The following NAALADL2 variants were observed in gnomAD, a reference collection of about 807,000 sequenced individuals.
NAALADL2 encodes N-acetylated alpha-linked acidic dipeptidase like 2, also known as inactive N-acetylated-alpha-linked acidic dipeptidase-like protein 2.
In NAALADL2, 76 loss-of-function variants were observed where a neutral mutation model predicts 87.2. The observed-to-expected ratio is 0.87, with a 90% confidence interval of 0.72 to 1.05. The LOEUF is 1.05. Ranked by LOEUF, NAALADL2 falls within the 50% of genes least tolerant of loss-of-function variation. The pLI, the probability that NAALADL2 is intolerant of heterozygous loss-of-function variation, is 0.00. For synonymous variants in NAALADL2, 354 were observed against 331.0 expected (o/e 1.07, Z -0.75); for missense variants, 1,089 against 945.8 (o/e 1.15, Z -1.99).
At position 175,379,778 on chromosome 3, in the gene NAALADL2, A is replaced by G. The variant is rs201481302; in HGVS notation, c.1090+55453A>G. On this transcript the variant is annotated intron_variant, in intron 5 of 13. Transcript: ENST00000454872. ...TTTGTCTGATTGAATATGGCTTATT[A>G]TCAAGGCTGTGATCCAGATAGCTTT... 3.3e-5 allele frequency among the ~76,000 whole-genome samples: 5 copies of G among 152,230 alleles called. No homozygotes were observed. In the East Asian group the frequency reaches 9.7e-4, roughly 29 times the overall value.
At chr3:175,213,786 C>A (rs539757908) in intron 2 of NAALADL2, among the ~76,000 whole-genome samples, 3 of 152,090 alleles carry the variant, frequency 2.0e-5, no homozygotes, top group Non-Finnish European at 4.4e-5. Context: ...TAATAACTTG[C>A]CCACAATCAT....
chr3:174,770,650 C>G (rs544719267), intron 3 of NAALADL2, among the ~76,000 whole-genome samples: 14 of 152,114 alleles, frequency 9.2e-5, no homozygotes, highest in African/African-American at 3.4e-4. Context: ...ACCATCCTGG[C>G]TAACACGGTG....
At chr3:175,112,223 C>A (rs915333083) in intron 2 of NAALADL2, among the ~76,000 whole-genome samples, 4 of 151,304 alleles carry the variant, frequency 2.6e-5, no homozygotes, top group African/African-American at 9.7e-5. Flanking sequence ...TTGCCCAGCC[C>A]ATGTCTCTTC....
rs569573278 is a variant in NAALADL2, at chr3:174,907,594, T to C, written c.43+48144T>C. Among the ~76,000 whole-genome samples, 78 of 152,236 alleles carry C rather than the reference T, an allele frequency of 5.1e-4. 1 individual carries two copies. Among genetic ancestry groups the C allele is most frequent in the African/African-American group, 1.8e-3 (74 of 41,518 alleles). On this transcript the variant is annotated intron_variant, in intron 1 of 13. Coordinates refer to ENST00000454872, the MANE Select transcript of NAALADL2 (RefSeq NM_207015.3). Reference sequence around the variant, plus strand: ...AAAACCACGTCCCTAAAAGGTAAACTTATCTGTGACTATTTCTTACTACTA... The same window carrying C: ...AAAACCACGTCCCTAAAAGGTAAACCTATCTGTGACTATTTCTTACTACTA...
chr3:174,833,949 C>A (rs1381959038), intron 3 of NAALADL2, among the ~76,000 whole-genome samples: 1 of 150,256 alleles, frequency 6.7e-6, no homozygotes, highest in Non-Finnish European at 1.5e-5. Context: ...AACATCATAC[C>A]TAAGGGTAAA....
At chr3:175,147,603 T>C (rs1285506769) in intron 2 of NAALADL2, among the ~76,000 whole-genome samples, 1 of 151,884 alleles carries the variant, frequency 6.6e-6, no homozygotes, top group Non-Finnish European at 1.5e-5. Flanking sequence ...GGGGGGTATA[T>C]ACTCAATAAT....
intron 2 of NAALADL2, among the ~76,000 whole-genome samples, chr3:174,652,652 C>T (rs1411483854): frequency 6.6e-6 from 1 of 152,082 alleles, no homozygotes; most frequent in African/African-American, 2.4e-5. Context: ...CCTCCCACAA[C>T]ACATGGGGAT....
chr3:175,413,164 T>G (rs1408800162), intron 5 of NAALADL2, among the ~76,000 whole-genome samples: 1 of 143,262 alleles, frequency 7.0e-6, no homozygotes, highest in Non-Finnish European at 1.5e-5. Flanking sequence ...TTTGGGAGGC[T>G]GAGGTGGGCA....
At chr3:175,493,671 A>G (rs57139665) in intron 9 of NAALADL2, among the ~76,000 whole-genome samples, 10,655 of 152,180 alleles carry the variant, frequency 0.07, 438 homozygotes, top group South Asian at 0.15. Flanking sequence ...CTTACCAAAC[A>G]TTATTATCTA....
At chr3:175,238,805 A>G (rs912398831) in intron 3 of NAALADL2, among the ~76,000 whole-genome samples, 15 of 152,292 alleles carry the variant, frequency 9.8e-5, no homozygotes, top group African/African-American at 3.4e-4. Context: ...CTAAAGATTC[A>G]GGCATGCCTC....
chr3:174,743,818 T>C (rs1235278769), intron 3 of NAALADL2, among the ~76,000 whole-genome samples: 1 of 151,840 alleles, frequency 6.6e-6, no homozygotes, highest in Non-Finnish European at 1.5e-5. Flanking sequence ...TTTTTTTTCA[T>C]TTATATAAAT....
chr3:175,214,214 A>G (rs1390169992), intron 2 of NAALADL2, among the ~76,000 whole-genome samples: 1 of 152,136 alleles, frequency 6.6e-6, no homozygotes, highest in African/African-American at 2.4e-5. Context: ...TAATAAATCA[A>G]TGGTATTCAA....
intron 2 of NAALADL2, among the ~76,000 whole-genome samples, chr3:175,200,753 A>AAG (rs151073462): frequency 0.012 from 1,883 of 152,260 alleles, 43 homozygotes; most frequent in African/African-American, 0.043. Context: ...CAAGTTACTA[A>AAG]AGAGAGACTC....
chr3:175,138,887 AATATATATATATATAT>A lies in NAALADL2; in HGVS notation c.545+41619_545+41634del, dbSNP rs58824117. Among the ~76,000 whole-genome samples, 34 of 95,434 alleles carry A rather than the reference AATATATATATATATAT, an allele frequency of 3.6e-4. 1 individual carries two copies. The highest frequency in any genetic ancestry group is 9.3e-4 in the African/African-American group (17 of 18,346). The allele number at this position is 95,434 out of a possible 152,430, so 62.6% of individuals were successfully genotyped here. On this transcript the variant is annotated intron_variant, in intron 2 of 13. Transcript: ENST00000454872. ...CAGAAAAAAAATTTCAGCCTTTTAA[AATATATATATATATAT>A]ATATATATATATATATATATATGAT...
At chr3:175,423,224 CT>C (rs537789903) in intron 5 of NAALADL2, among the ~76,000 whole-genome samples, 18,762 of 121,866 alleles carry the variant, frequency 0.15, 1,360 homozygotes, top group Middle Eastern at 0.25. Context: ...TTTTTTTTTT[CT>C]TTTTTTTTTT....
chr3:174,638,115 A>G (rs1422583348), intron 2 of NAALADL2, among the ~76,000 whole-genome samples: 1 of 152,198 alleles, frequency 6.6e-6, no homozygotes. Flanking sequence ...GCATGTAGAT[A>G]TAATTTAAAT....
intron 9 of NAALADL2, among the ~76,000 whole-genome samples, chr3:175,482,043 C>A (rs1049073110): frequency 2.1e-5 from 3 of 143,948 alleles, no homozygotes; most frequent in Non-Finnish European, 3.1e-5. Flanking sequence ...TGCACTGAGG[C>A]GAAGCTTACA....
intron 1 of NAALADL2, among the ~76,000 whole-genome samples, chr3:175,003,650 C>A (rs529919942): frequency 2.6e-5 from 4 of 152,086 alleles, no homozygotes; most frequent in South Asian, 2.1e-4. Flanking sequence ...AAAAATATAC[C>A]TTCAGAGTCC....
chr3:175,425,004 G>C (rs1716540572), intron 5 of NAALADL2, among the ~76,000 whole-genome samples: 1 of 151,998 alleles, frequency 6.6e-6, no homozygotes, highest in African/African-American at 2.4e-5. Flanking sequence ...AGGGAGGTGA[G>C]GATAAAGAAA....
Sources: gnomAD v4.1 joint callset for allele counts (sites outside exome capture counted in the v4.1 genomes callset) on GRCh38, gnomAD v4.1.1 for gene constraint, MANE v1.5 for transcripts, NCBI Gene and HGNC (gene_info 2026-07-23, HGNC 2026-07-21) for gene names.